The following DLG2 variants were observed in gnomAD, a reference collection of about 807,000 sequenced individuals.
DLG2 encodes the protein discs large MAGUK scaffold protein 2.
Under a neutral mutation model 132.5 loss-of-function variants are expected in DLG2, and 45 were observed. The ratio of observed to expected loss-of-function variants is 0.34; its 90% CI spans 0.27 to 0.44. DLG2 has a LOEUF of 0.44. DLG2 is among the 20% of genes least tolerant of loss of function. DLG2 has a pLI of 1.00. For synonymous variants in DLG2, 424 were observed against 419.6 expected, an observed-to-expected ratio of 1.01 and a Z score of -0.13; for missense variants, 1,045 against 1,196.9, an observed-to-expected ratio of 0.87 and a Z score of 1.87.
chr11:83,702,678 C>G (rs950498018), intron 18 of DLG2, among the ~76,000 whole-genome samples: 1 of 152,312 alleles, frequency 6.6e-6, no homozygotes, highest in East Asian at 1.9e-4. Flanking sequence ...TTGATTGAAA[C>G]TGAGGTTGAA....
At chr11:84,361,579 G>A (rs568341511) in intron 7 of DLG2, among the ~76,000 whole-genome samples, 67 of 152,038 alleles carry the variant, frequency 4.4e-4, no homozygotes, top group African/African-American at 1.5e-3. Context: ...GAAAAATAAC[G>A]ACAGAGGAAA....
chr11:85,455,252 T>C (rs1441954208), intron 3 of DLG2, among the ~76,000 whole-genome samples: 1 of 152,196 alleles, frequency 6.6e-6, no homozygotes, highest in East Asian at 1.9e-4. Context: ...CCTAGTTAGC[T>C]ACATTCCTAG....
At chr11:84,322,455 T>C (rs747380538) in intron 7 of DLG2, among the ~76,000 whole-genome samples, 2 of 152,174 alleles carry the variant, frequency 1.3e-5, no homozygotes, top group Non-Finnish European at 2.9e-5. Flanking sequence ...AGTTCTCCCT[T>C]TATAGCTAGA....
chr11:84,119,042 G>C (rs1254632185), intron 9 of DLG2, among the ~76,000 whole-genome samples: 1 of 151,846 alleles, frequency 6.6e-6, no homozygotes, highest in Non-Finnish European at 1.5e-5. Flanking sequence ...TATTGGCTTC[G>C]ACCTCAAGCA....
At chr11:85,034,950 C>A (rs546646446) in intron 6 of DLG2, among the ~76,000 whole-genome samples, 1 of 152,038 alleles carries the variant, frequency 6.6e-6, no homozygotes, top group South Asian at 2.1e-4. Context: ...CTGGGCCATA[C>A]GCCAAAATCT....
intron 7 of DLG2, among the ~76,000 whole-genome samples, chr11:84,304,194 T>C (rs968413342): frequency 6.6e-6 from 1 of 152,208 alleles, no homozygotes; most frequent in Admixed American, 6.5e-5. Flanking sequence ...CATAATTTAA[T>C]AATGATGCTA....
intron 4 of DLG2, among the ~76,000 whole-genome samples, chr11:85,250,465 T>C (rs972769946): frequency 6.6e-6 from 1 of 152,172 alleles, no homozygotes; most frequent in African/African-American, 2.4e-5. Flanking sequence ...AGTTAATCCT[T>C]TTAAAAGTTA....
chr11:83,504,902 A>G (rs997614083), intron 21 of DLG2, among the ~76,000 whole-genome samples: 5 of 152,172 alleles, frequency 3.3e-5, no homozygotes, highest in African/African-American at 4.8e-5. Flanking sequence ...TTACAAAGCT[A>G]TTTCACCATT....
chr11:84,291,613 T>C (rs1404314779), intron 7 of DLG2, among the ~76,000 whole-genome samples: 1 of 152,200 alleles, frequency 6.6e-6, no homozygotes, highest in Admixed American at 6.5e-5. Flanking sequence ...TTGATTTATA[T>C]GCAGAAAAAC....
At chr11:84,649,184 C>T (rs1186167199) in intron 6 of DLG2, among the ~76,000 whole-genome samples, 2 of 152,100 alleles carry the variant, frequency 1.3e-5, no homozygotes, top group African/African-American at 4.8e-5. Flanking sequence ...GCCATGCACT[C>T]AGAAGTTCCA....
In DLG2 at chr11:83,696,858, C is replaced by T. The variant is rs190026392; in HGVS notation, c.1826-63533G>A. 2.1e-3 allele frequency among the ~76,000 whole-genome samples: 323 copies of T among 152,296 alleles called. 1 individual carries two copies. The highest frequency in any genetic ancestry group is 4.1e-3 in the Non-Finnish European group (280 of 68,018). On this transcript the variant is annotated intron_variant, in intron 18 of 27. Coordinates refer to ENST00000376104, the MANE Select transcript of DLG2 (RefSeq NM_001142699.3). The stretch of plus-strand genomic sequence containing the variant: ...ATACTGCTATTGGAGAGTTGCAAAG[C>T]ACTATGGGAGCCCAAGACAAAAGAG...
intron 18 of DLG2, among the ~76,000 whole-genome samples, chr11:83,710,623 T>C (rs1309715888): frequency 6.6e-6 from 1 of 152,194 alleles, no homozygotes; most frequent in African/African-American, 2.4e-5. Context: ...ATAGTTCATA[T>C]AACATGTTTC....
chr11:84,632,100 T>A (rs1224790666), intron 6 of DLG2, among the ~76,000 whole-genome samples: 1 of 152,194 alleles, frequency 6.6e-6, no homozygotes, highest in Non-Finnish European at 1.5e-5. Flanking sequence ...CCTAAGGCCT[T>A]GCCCACCATC....
chr11:85,420,834 G>A (rs2090240888), intron 3 of DLG2, among the ~76,000 whole-genome samples: 1 of 152,158 alleles, frequency 6.6e-6, no homozygotes, highest in African/African-American at 2.4e-5. Context: ...TCTGCTGGCA[G>A]CAAGAATTTC....
intron 6 of DLG2, among the ~76,000 whole-genome samples, chr11:84,650,254 G>C (rs948435892): frequency 6.6e-6 from 1 of 151,764 alleles, no homozygotes; most frequent in African/African-American, 2.4e-5. Flanking sequence ...CACTACAATT[G>C]AACTCTCCTC....
chr11:84,198,687 A>C (rs1391965894), intron 8 of DLG2, among the ~76,000 whole-genome samples: 7 of 152,300 alleles, frequency 4.6e-5, no homozygotes, highest in Non-Finnish European at 8.8e-5. Flanking sequence ...TAAAAATTAT[A>C]AAGTGGAGTG....
chr11:85,401,017 G>A (rs2088033576), intron 3 of DLG2, among the ~76,000 whole-genome samples: 1 of 150,674 alleles, frequency 6.6e-6, no homozygotes, highest in Non-Finnish European at 1.5e-5. Context: ...CCAAAGCCTG[G>A]CAGAGACATA....
intron 6 of DLG2, among the ~76,000 whole-genome samples, chr11:85,073,314 G>C (rs934095631): frequency 6.6e-6 from 1 of 151,818 alleles, no homozygotes; most frequent in African/African-American, 2.4e-5. Flanking sequence ...TGGATTTTCA[G>C]CTTCACTGGA....
chr11:84,883,358 A>C (rs577591725), intron 6 of DLG2, among the ~76,000 whole-genome samples: 1 of 152,116 alleles, frequency 6.6e-6, no homozygotes, highest in Non-Finnish European at 1.5e-5. Context: ...TACCTAATGT[A>C]TGCGGGGCTT....
Sources: gnomAD v4.1 joint callset for allele counts (sites outside exome capture counted in the v4.1 genomes callset) on GRCh38, gnomAD v4.1.1 for gene constraint, MANE v1.5 for transcripts, NCBI Gene and HGNC (gene_info 2026-07-23, HGNC 2026-07-21) for gene names.